Variants in HERC1 observed in about 807,000 individuals in gnomAD.
HERC1 encodes HECT and RLD domain containing E3 ubiquitin protein ligase family member 1.
In HERC1, 160 loss-of-function variants were observed where a neutral mutation model predicts 554.3. That is an observed-to-expected ratio of 0.29 (90% CI 0.25 to 0.33). HERC1 has a LOEUF of 0.33. Among genes scored for constraint, HERC1 ranks in the 10% least tolerant of loss-of-function variants. The pLI, the probability that HERC1 is intolerant of heterozygous loss-of-function variation, is 1.00. For synonymous variants in HERC1, 2,175 were observed against 2,131.7 expected (o/e 1.02, Z -0.56); for missense variants, 4,919 against 5,918.5 (o/e 0.83, Z 5.54).
In HERC1 at chr15:63,657,649, AATCTTTTATGGCAG is replaced by A. The variant is rs560677788; in HGVS notation, c.9599+881_9599+894del. Among the ~76,000 whole-genome samples the A allele has an allele frequency of 8.2e-3, 1,252 of 152,224 alleles. 22 individuals are homozygous for A. The highest frequency in any genetic ancestry group is 0.029 in the African/African-American group (1,200 of 41,546). Reference sequence around the variant, plus strand: ...CTATTTTATTGTATTCCAATTTATCAATCTTTTATGGCAGATTCCTTTTGTGACTTGCTTGAGGA... The same window carrying A: ...CTATTTTATTGTATTCCAATTTATCAATTCCTTTTGTGACTTGCTTGAGGA... On this transcript the variant is annotated intron_variant, in intron 48 of 77. Transcript: ENST00000443617.
intron 12 of HERC1, among the ~76,000 whole-genome samples, chr15:63,736,065 T>C (rs145058589): frequency 1.3e-5 from 2 of 151,550 alleles, no homozygotes; most frequent in East Asian, 3.9e-4. Context: ...CTCCCCAGAA[T>C]GGAAAGGAAA....
At chr15:63,618,325 T>C (rs1424622831) in intron 74 of HERC1, among the ~76,000 whole-genome samples, 2 of 152,204 alleles carry the variant, frequency 1.3e-5, no homozygotes, top group Non-Finnish European at 2.9e-5. Flanking sequence ...ATATGCGGCA[T>C]TATTTCTGAG....
chr15:63,718,982 C>A lies in HERC1; in HGVS notation c.3743-85G>T, dbSNP rs2073689968. On this transcript the variant is annotated intron_variant, in intron 19 of 77. Transcript: ENST00000443617. The surrounding 1 kb of genome is among the most constrained non-coding windows in gnomAD (Gnocchi z 4.2). ...TTTTTATAGCTTTAGTCATCCAACACCTGAATTTTATCATCTTTCTAAACT... is the reference window on the plus strand; with the variant it reads ...TTTTTATAGCTTTAGTCATCCAACAACTGAATTTTATCATCTTTCTAAACT... 3 of 840,658 alleles carry A rather than the reference C, an allele frequency of 3.6e-6. No homozygotes were observed. The highest frequency in any genetic ancestry group is 2.5e-5 in the East Asian group (1 of 39,328). The allele number at this position is 840,658 out of a possible 1,614,324, so 52.1% of individuals were successfully genotyped here. A position where few individuals can be genotyped will look rare whatever the true frequency, so the allele number is the denominator to read the frequency against.
rs761001154 is a variant in HERC1 at position 63,630,499 on chromosome 15, A to G, written c.12933T>C (p.Asp4311=). 1.9e-6 allele frequency: 3 copies of G among 1,613,850 alleles called. No individual in the cohort carries two copies. Among genetic ancestry groups the G allele is most frequent in the African/African-American group, 1.3e-5 (1 of 74,916 alleles). The change falls in exon 69 of 78, where the codon GAT becomes GAC. Residue 4311 remains aspartate (D), a synonymous_variant. Coordinates refer to ENST00000443617, the MANE Select transcript of HERC1 (RefSeq NM_003922.4). The stretch of plus-strand genomic sequence containing the variant: ...CTGAATTGCTCCCCCAGGCATACAC[A>G]TCTCCATTTGATGCCAAAGCAAGTG... ...EHTLALASNG[D]VYAWGSNSEG...
chr15:63,826,803 AAAAAAAAAAAAATATATATATATAT>A (rs1313748444), intron 1 of HERC1, among the ~76,000 whole-genome samples: 5 of 73,666 alleles, frequency 6.8e-5, no homozygotes, highest in African/African-American at 2.6e-4. Flanking sequence ...AAAAAAAAAA[AAAAAAAAAAAAATATATATATATAT>A]ATATATATAT....
chr15:63,811,243 G>C (rs1261912320), intron 1 of HERC1, among the ~76,000 whole-genome samples: 2 of 152,188 alleles, frequency 1.3e-5, no homozygotes, highest in Non-Finnish European at 2.9e-5. Context: ...GGTTAAGTTG[G>C]AGAATGTCCT....
rs779934666 is a variant in HERC1, at chr15:63,749,658, G to C, written c.2036C>G (p.Ala679Gly). The change falls in exon 9 of 78, where the codon GCT becomes GGT. Residue 679 changes from alanine (A) to glycine (G), a missense_variant. By Grantham distance (60) the Ala-to-Gly change is moderately conservative (BLOSUM62 0). Coordinates refer to ENST00000443617, the MANE Select transcript of HERC1 (RefSeq NM_003922.4). The surrounding 1 kb of genome is among the most constrained non-coding windows in gnomAD (Gnocchi z 4.1). ...DVSIGDSHCL[A>G]LSHDNEVYAW... ...ACAAATGACTTTACCATGAGAAAGA[G>C]CCAAACAATGACTGTCTCCAATAGA... 20 of 1,599,084 alleles carry C rather than the reference G, an allele frequency of 1.3e-5. No homozygotes were observed. The highest frequency in any genetic ancestry group is 1.6e-5 in the Non-Finnish European group (19 of 1,172,124).
At chr15:63,695,383 C>CT (rs35039072) in intron 27 of HERC1, among the ~76,000 whole-genome samples, 1,460 of 103,280 alleles carry the variant, frequency 0.014, 45 homozygotes, top group African/African-American at 0.049. Context: ...TCTGTATAAT[C>CT]TTTTTTTTTT....
chr15:63,657,312 T>G (rs1195861753), intron 48 of HERC1, among the ~76,000 whole-genome samples: 1 of 149,302 alleles, frequency 6.7e-6, no homozygotes, highest in Non-Finnish European at 1.5e-5. Context: ...CCCAGGCTGG[T>G]CTCAAACTCC....
At chr15:63,830,766 T>C (rs1460063972) in intron 1 of HERC1, among the ~76,000 whole-genome samples, 1 of 152,342 alleles carries the variant, frequency 6.6e-6, no homozygotes, top group Non-Finnish European at 1.5e-5. Context: ...CAACCAATCA[T>C]CTGATACAAC....
chr15:63,833,747 G>GCACACACACACA (rs1279912396), intron 1 of HERC1, 80 bp downstream of exon 1: 2 of 117,736 alleles, frequency 1.7e-5, no homozygotes, highest in African/African-American at 8.2e-5. Flanking sequence ...GCACACACGC[G>GCACACACACACA]CGCGCGCACA....
At chr15:63,634,603 T>C (rs985218474) in intron 66 of HERC1, 130 bp downstream of exon 66, 1 of 655,990 alleles carries the variant, frequency 1.5e-6, no homozygotes, top group Non-Finnish European at 2.5e-6. Context: ...AATTATCAAT[T>C]AGACCATAGC....
chr15:63,799,812 T>C (rs533282437), intron 1 of HERC1, among the ~76,000 whole-genome samples: 1 of 152,200 alleles, frequency 6.6e-6, no homozygotes, highest in East Asian at 1.9e-4. Context: ...TAAGCAGGTT[T>C]CAGGAGCCAT....
intron 1 of HERC1, among the ~76,000 whole-genome samples, chr15:63,805,047 A>G (rs1055092562): frequency 3.3e-5 from 5 of 152,340 alleles, no homozygotes; most frequent in African/African-American, 4.8e-5. Context: ...CGCTGTACTT[A>G]GCACATATGC....
intron 2 of HERC1, among the ~76,000 whole-genome samples, chr15:63,771,234 A>C (rs1286825547): frequency 6.6e-6 from 1 of 152,026 alleles, no homozygotes; most frequent in Non-Finnish European, 1.5e-5. Flanking sequence ...GGAGACCAAA[A>C]ACATCAGATA....
intron 1 of HERC1, among the ~76,000 whole-genome samples, chr15:63,801,969 A>T (rs892346585): frequency 2.0e-5 from 3 of 152,208 alleles, no homozygotes; most frequent in Non-Finnish European, 4.4e-5. Flanking sequence ...TCTCTAACAC[A>T]TCATGTTTAA....
chr15:63,638,632 C>T, intron 62 of HERC1, 79 bp downstream of exon 62: 1 of 1,585,028 alleles, frequency 6.3e-7, no homozygotes, highest in Non-Finnish European at 8.7e-7. Flanking sequence ...ATGGGAGACA[C>T]CAGGGCACAA....
chr15:63,674,237 A>AATT, intron 38 of HERC1, 105 bp downstream of exon 38: 3 of 695,312 alleles, frequency 4.3e-6, no homozygotes, highest in African/African-American at 1.9e-5. Context: ...CAAAAAAAAA[A>AATT]TTTTTTTTTT....
At chr15:63,624,037 T>G in intron 72 of HERC1, 121 bp downstream of exon 72, 1 of 1,222,090 alleles carries the variant, frequency 8.2e-7, no homozygotes, top group African/African-American at 1.5e-5. Flanking sequence ...GGTACTAATG[T>G]AAGTACTATT....
Sources: allele counts gnomAD v4.1 joint callset (sites outside exome capture counted in the v4.1 genomes callset), GRCh38; gene constraint gnomAD v4.1.1; non-coding constraint Gnocchi (gnomAD v3.1); transcripts MANE v1.5; gene names NCBI Gene and HGNC (gene_info 2026-07-23, HGNC 2026-07-21).